The following NDST4 variants were observed in gnomAD, a reference collection of about 807,000 sequenced individuals.
NDST4 encodes the protein N-heparan sulfate sulfotransferase 4.
In NDST4, 63 loss-of-function variants were observed where a neutral mutation model predicts 100.8. The observed-to-expected ratio is 0.62, with a 90% CI of 0.51 to 0.77. NDST4 has a LOEUF of 0.77. Among genes scored for constraint, NDST4 ranks in the 30% least tolerant of loss-of-function variants. NDST4 has a pLI of 0.00. For synonymous variants in NDST4, 377 were observed against 361.8 expected (o/e 1.04, Z -0.48); for missense variants, 943 against 1,018.4 (o/e 0.93, Z 1.01).
At chr4:114,850,532 A>T (rs555336093) in intron 8 of NDST4, among the ~76,000 whole-genome samples, 2 of 152,308 alleles carry the variant, frequency 1.3e-5, no homozygotes, top group East Asian at 3.9e-4. Context: ...TATCCTTGAC[A>T]TTAATTTTCT....
chr4:114,833,854 C>T (rs1048179181), intron 11 of NDST4, 139 bp from the exon 12 acceptor site: 17 of 551,070 alleles, frequency 3.1e-5, no homozygotes, highest in African/African-American at 1.8e-4. Context: ...AGAATACATC[C>T]GAATGTTTAT....
intron 2 of NDST4, among the ~76,000 whole-genome samples, chr4:115,068,692 C>T (rs561025683): frequency 2.7e-4 from 41 of 150,662 alleles, no homozygotes; most frequent in African/African-American, 8.7e-4. Flanking sequence ...TGGTGAGTGC[C>T]TGCATTCCCA....
chr4:114,946,060 C>T (rs78653316), intron 4 of NDST4, among the ~76,000 whole-genome samples: 9,055 of 152,222 alleles, frequency 0.059, 357 homozygotes, highest in Middle Eastern at 0.095. Context: ...TGAGACACAT[C>T]CTTTTAATAT....
At position 115,056,861 on chromosome 4, in the gene NDST4, T is replaced by C. The variant is rs1366888195; in HGVS notation, c.978+19198A>G. Among the ~76,000 whole-genome samples the C allele has an allele frequency of 2.0e-5, 3 of 151,794 alleles. No homozygotes were observed. In the Admixed American group the frequency reaches 2.0e-4, roughly 10 times the overall value. On this transcript the variant is annotated intron_variant, in intron 2 of 13. Coordinates refer to ENST00000264363, the MANE Select transcript of NDST4 (RefSeq NM_022569.3). Reference sequence around the variant, plus strand: ...TAGAAAAAGAAATCCTTCATGTTTTTGGATGATTACGGTCAGAGATCAATT... The same window carrying C: ...TAGAAAAAGAAATCCTTCATGTTTTCGGATGATTACGGTCAGAGATCAATT...
intron 2 of NDST4, among the ~76,000 whole-genome samples, chr4:115,064,486 T>A (rs1278360872): frequency 6.6e-6 from 1 of 151,992 alleles, no homozygotes; most frequent in Non-Finnish European, 1.5e-5. Flanking sequence ...CATGTTGAAA[T>A]TCTTATTCAT....
chr4:115,070,328 C>G (rs1729047555), intron 2 of NDST4, among the ~76,000 whole-genome samples: 2 of 152,016 alleles, frequency 1.3e-5, no homozygotes, highest in Non-Finnish European at 2.9e-5. Context: ...AAGCAAAAAA[C>G]AAATGTTCTC....
At chr4:114,931,413 A>G (rs916265872) in intron 6 of NDST4, among the ~76,000 whole-genome samples, 2 of 151,622 alleles carry the variant, frequency 1.3e-5, no homozygotes, top group African/African-American at 4.8e-5. Context: ...AAAAAAAAAG[A>G]TATCAGATAA....
Position 115,076,154 on chromosome 4 carries a change from T to A in NDST4, c.883A>T (p.Arg295Trp). Residue 295 changes from arginine to tryptophan, a missense_variant, in exon 2 of 14, where the codon AGG becomes TGG. Physicochemically the swap from Arg to Trp is moderately radical, Grantham distance 101. Around this residue, in one of 2 missense-constraint regions of NDST4, gnomAD observed 417 missense variants for 384.2 expected, o/e 1.09. Coordinates refer to ENST00000264363, the MANE Select transcript of NDST4 (RefSeq NM_022569.3). ...IDAISFLSGK[R>W]LTLSLDRYIL... ...TACCTGTCCAAGGACAATGTCAGCC[T>A]CTTCCCTGACAAGAAGGAGATGGCA... The A allele has an allele frequency of 6.2e-7, 1 of 1,614,024 alleles. No individual in the cohort carries two copies. Among genetic ancestry groups the A allele is most frequent in the Non-Finnish European group, 8.5e-7 (1 of 1,179,942 alleles).
At chr4:114,963,278 T>G (rs551397745) in intron 4 of NDST4, among the ~76,000 whole-genome samples, 1 of 152,286 alleles carries the variant, frequency 6.6e-6, no homozygotes, top group South Asian at 2.1e-4. Context: ...TGATATATGT[T>G]ACAATGTGTT....
chr4:115,026,990 T>C (rs999542543), intron 2 of NDST4, among the ~76,000 whole-genome samples: 4 of 152,160 alleles, frequency 2.6e-5, no homozygotes, highest in African/African-American at 9.6e-5. Flanking sequence ...TTCCAGAGTC[T>C]AGTTGCTGTT....
intron 5 of NDST4, 97 bp downstream of exon 5, chr4:114,937,221 G>GAGGTTC: frequency 8.2e-7 from 1 of 1,216,234 alleles, no homozygotes; most frequent in Non-Finnish European, 1.2e-6. Context: ...TCATGTAAAA[G>GAGGTTC]AGGTTCGAGG....
intron 1 of NDST4, among the ~76,000 whole-genome samples, chr4:115,081,368 T>C (rs1729299470): frequency 6.6e-6 from 1 of 152,168 alleles, no homozygotes; most frequent in Non-Finnish European, 1.5e-5. Flanking sequence ...CATAAGTGTT[T>C]ACCTATGTCT....
rs1359751966 is a variant in NDST4, at chr4:115,008,866, CACAA to C, written c.979-31596_979-31593del. On this transcript the variant is annotated intron_variant, in intron 2 of 13. Transcript: ENST00000264363. ...GGATACAAAATCAATGGACACAAATCACAAACATTCTTATACACCAATAACAGAC... is the reference window on the plus strand; with the variant it reads ...GGATACAAAATCAATGGACACAAATCACATTCTTATACACCAATAACAGAC... Among the ~76,000 whole-genome samples, 2 of 126,196 alleles carry C rather than the reference CACAA, an allele frequency of 1.6e-5. 1 individual carries two copies. Among genetic ancestry groups the C allele is most frequent in the African/African-American group, 6.4e-5 (2 of 31,376 alleles). 82.8% of individuals were successfully genotyped at this position (126,196 alleles called of 152,430 possible). A position where few individuals can be genotyped will look rare whatever the true frequency, so the allele number is the denominator to read the frequency against.
At chr4:115,081,994 A>C (rs1385726463) in intron 1 of NDST4, among the ~76,000 whole-genome samples, 1 of 152,164 alleles carries the variant, frequency 6.6e-6, no homozygotes, top group Non-Finnish European at 1.5e-5. Context: ...TCTTTCGTTA[A>C]AAATTTGGAA....
chr4:115,025,876 C>A (rs915607570), intron 2 of NDST4, among the ~76,000 whole-genome samples: 2 of 152,014 alleles, frequency 1.3e-5, no homozygotes, highest in Non-Finnish European at 2.9e-5. Flanking sequence ...CTGCAAAAAT[C>A]TTTATAGATG....
intron 2 of NDST4, among the ~76,000 whole-genome samples, chr4:115,045,787 T>G (rs1327716190): frequency 1.3e-5 from 2 of 152,112 alleles, no homozygotes; most frequent in African/African-American, 4.8e-5. Context: ...AGTGAGGATG[T>G]GATAGGTCTT....
chr4:115,085,148 C>A (rs1427792243), intron 1 of NDST4, among the ~76,000 whole-genome samples: 1 of 152,198 alleles, frequency 6.6e-6, no homozygotes, highest in Non-Finnish European at 1.5e-5. Flanking sequence ...GAACTTTAAG[C>A]TTAATGACTG....
At chr4:114,957,265 G>A (rs1383419528) in intron 4 of NDST4, among the ~76,000 whole-genome samples, 1 of 152,206 alleles carries the variant, frequency 6.6e-6, no homozygotes, top group Non-Finnish European at 1.5e-5. Context: ...AGTTCCACAT[G>A]GCTGGGGAGG....
intron 6 of NDST4, among the ~76,000 whole-genome samples, chr4:114,919,409 G>A (rs1725242796): frequency 6.6e-6 from 1 of 152,186 alleles, no homozygotes; most frequent in East Asian, 1.9e-4. Flanking sequence ...TCTCTGAGGA[G>A]ATAACTTTTG....
Sources: gnomAD v4.1 joint callset for allele counts (sites outside exome capture counted in the v4.1 genomes callset) on GRCh38, gnomAD v4.1.1 for gene constraint, gnomAD v4.1.1 regional missense constraint, MANE v1.5 for transcripts, NCBI Gene and HGNC (gene_info 2026-07-23, HGNC 2026-07-21) for gene names.